The following COL11A2 variants were observed in gnomAD, a reference collection of about 807,000 sequenced individuals.
The protein encoded by COL11A2 is collagen alpha-2(XI) chain.
COL11A2 carries 116 observed loss-of-function variants against 273.4 expected under a neutral mutation model. That is an observed-to-expected ratio of 0.42 (90% CI 0.36 to 0.49). COL11A2 has a LOEUF of 0.49. Ranked by LOEUF, COL11A2 falls within the 20% of genes least tolerant of loss-of-function variation. The probability of loss-of-function intolerance (pLI) is 0.00; values close to 1 mark genes in which losing one functional copy is unlikely to be tolerated. For synonymous variants in COL11A2, 782 were observed against 864.2 expected (o/e 0.90, Z 1.67); for missense variants, 1,866 against 2,309.0 (o/e 0.81, Z 3.93).
rs887582967 is a variant in COL11A2, at chr6:33,179,908, G to C, written c.1360-103C>G. 7 of 1,088,898 alleles carry C rather than the reference G, an allele frequency of 6.4e-6. No individual in the cohort carries two copies. The highest frequency in any genetic ancestry group is 4.6e-5 in the African/African-American group (3 of 64,850). 67.5% of individuals were successfully genotyped at this position (1,088,898 alleles called of 1,614,324 possible). ...GTTTCTGCCCCTTGCCCCAGGTTCTGCCCATCCAGCATTTCCCATGGCTTC... is the reference window on the plus strand; with the variant it reads ...GTTTCTGCCCCTTGCCCCAGGTTCTCCCCATCCAGCATTTCCCATGGCTTC... On this transcript the variant is annotated intron_variant, in intron 12 of 65. Coordinates refer to ENST00000341947, the MANE Select transcript of COL11A2 (RefSeq NM_080680.3). This position sits in a 1 kb window ranked among gnomAD's most constrained non-coding sequence, Gnocchi z 6.4.
In COL11A2 at chr6:33,169,627, A is replaced by G. The variant is rs1220613204; in HGVS notation, c.3691-137T>C. 2.8e-6 allele frequency: 3 copies of G among 1,058,916 alleles called. No individual in the cohort carries two copies. The highest frequency in any genetic ancestry group is 3.1e-5 in the African/African-American group (2 of 63,786). 65.6% of individuals were successfully genotyped at this position (1,058,916 alleles called of 1,614,324 possible). Reference sequence around the variant, plus strand: ...GACATACACAGAAAGTCAAGCCTACAAGGGGAGTTCCCTAGTCCCCTTCCC... The same window carrying G: ...GACATACACAGAAAGTCAAGCCTACGAGGGGAGTTCCCTAGTCCCCTTCCC... On this transcript the variant is annotated intron_variant, in intron 50 of 65. Coordinates refer to ENST00000341947, the MANE Select transcript of COL11A2 (RefSeq NM_080680.3). This position sits in a 1 kb window ranked among gnomAD's most constrained non-coding sequence, Gnocchi z 5.5.
chr6:33,180,110 A>G (rs1771522517), intron 12 of COL11A2, 148 bp downstream of exon 12: 6 of 907,106 alleles, frequency 6.6e-6, no homozygotes, highest in Admixed American at 1.9e-5. Flanking sequence ...CATCTCCCCA[A>G]CCCCAAAGAC....
chr6:33,179,503 GA>G lies in COL11A2; in HGVS notation c.1447-17del. 1 of 1,554,692 alleles carries G rather than the reference GA, an allele frequency of 6.4e-7. No homozygotes were observed. Among genetic ancestry groups the G allele is most frequent in the Non-Finnish European group, 8.7e-7 (1 of 1,148,158 alleles). ...GGAGCGCCAGCTAGGGGAGCAGGGG[GA>G]CAGCAGAGCTGAGGGACAGGCAGTG... is the stretch of plus-strand genomic sequence containing the variant. On this transcript the variant is annotated splice_polypyrimidine_tract_variant and intron_variant, in intron 13 of 65. Transcript: ENST00000341947. The surrounding 1 kb of genome is among the most constrained non-coding windows in gnomAD (Gnocchi z 6.4).
chr6:33,170,666 C>T lies in COL11A2; in HGVS notation c.3475-56G>A. The T allele has an allele frequency of 1.2e-5, 19 of 1,607,538 alleles. No homozygotes were observed. The highest frequency in any genetic ancestry group is 1.6e-5 in the Non-Finnish European group (19 of 1,175,196). On this transcript the variant is annotated intron_variant, in intron 46 of 65. Coordinates refer to ENST00000341947, the MANE Select transcript of COL11A2 (RefSeq NM_080680.3). The surrounding 1 kb of genome is among the most constrained non-coding windows in gnomAD (Gnocchi z 4.3). ...TGACGACCCCACCCAAAGCACAGCC[C>T]TAGGCAGATAGGCCCCACAGTCCCC...
intron 8 of COL11A2, among the ~76,000 whole-genome samples, chr6:33,183,017 G>A (rs1771921479): frequency 6.6e-6 from 1 of 152,120 alleles, no homozygotes. Context: ...GCAGCATAAA[G>A]GAAAGGCAGT....
At chr6:33,171,656 C>A in intron 42 of COL11A2, 57 bp downstream of exon 42, 1 of 1,596,956 alleles carries the variant, frequency 6.3e-7, no homozygotes, top group Non-Finnish European at 8.6e-7. Context: ...CATAGCCCAT[C>A]AACCCTAGGC....
At chr6:33,185,433 C>G (rs571577849) in intron 6 of COL11A2, among the ~76,000 whole-genome samples, 1 of 152,098 alleles carries the variant, frequency 6.6e-6, no homozygotes, top group Non-Finnish European at 1.5e-5. Flanking sequence ...GAGGGGGACG[C>G]CTGCCAGGTC....
rs1768730588 is a variant in COL11A2 at position 33,164,136 on chromosome 6, G to T, written c.5070+131C>A. On this transcript the variant is annotated intron_variant, in intron 65 of 65. Coordinates refer to ENST00000341947, the MANE Select transcript of COL11A2 (RefSeq NM_080680.3). This position sits in a 1 kb window ranked among gnomAD's most constrained non-coding sequence, Gnocchi z 4.7. Reference sequence around the variant, plus strand: ...CTCACCGGCTTTTGAGCTCCCTCAGGCATCCCTGACAATCCAGCAGGACGG... The same window carrying T: ...CTCACCGGCTTTTGAGCTCCCTCAGTCATCCCTGACAATCCAGCAGGACGG... 3 of 1,132,354 alleles carry T rather than the reference G, an allele frequency of 2.6e-6. No individual in the cohort carries two copies. Among genetic ancestry groups the T allele is most frequent in the Non-Finnish European group, 3.7e-6 (3 of 801,446 alleles). The allele number at this position is 1,132,354 out of a possible 1,614,324, so 70.1% of individuals were successfully genotyped here.
Position 33,186,768 on chromosome 6 carries a change from T to G in COL11A2, c.657A>C (p.Glu219Asp). The change falls in exon 5 of 66, where the codon GAA becomes GAC. Residue 219 changes from glutamate to aspartate, a missense_variant. Coordinates refer to ENST00000341947, the MANE Select transcript of COL11A2 (RefSeq NM_080680.3). The stretch of plus-strand genomic sequence containing the variant: ...ATTCCAGCTCCTTCTGTTCACATGA[T>G]TCATAGGCTGCCTGGACCCCTGGGA... Reference protein sequence around the residue: ...AIVPGVQAAYESCEQKELECE... With the variant: ...AIVPGVQAAYDSCEQKELECE... The G allele has an allele frequency of 6.2e-7, 1 of 1,614,118 alleles. No homozygotes were observed. The highest frequency in any genetic ancestry group is 1.1e-5 in the South Asian group (1 of 91,076).
Position 33,163,924 on chromosome 6 carries a change from G to A in COL11A2, c.5071-106C>T, listed in dbSNP as rs1393279252. On this transcript the variant is annotated intron_variant, in intron 65 of 65. Transcript: ENST00000341947. The surrounding 1 kb of genome is among the most constrained non-coding windows in gnomAD (Gnocchi z 4.1). ...TCCTCTGAGCACCTTGGCCCCATCA[G>A]GGTGACTCAGGATGTACAGACTGGC... 4 of 1,528,240 alleles carry A rather than the reference G, an allele frequency of 2.6e-6. No individual in the cohort carries two copies. In the Admixed American group the frequency reaches 5.1e-5, roughly 20 times the overall value. The allele number at this position is 1,528,240 out of a possible 1,614,324, so 94.7% of individuals were successfully genotyped here. A position where few individuals can be genotyped will look rare whatever the true frequency, so the allele number is the denominator to read the frequency against.
In COL11A2 at chr6:33,192,296, A is replaced by C; in HGVS notation, c.-56T>G. On this transcript the variant is annotated 5_prime_UTR_variant, in exon 1 of 66. Coordinates refer to ENST00000341947, the MANE Select transcript of COL11A2 (RefSeq NM_080680.3). ...GACCCAGGTCGGCCTGAGACGCTGGATGCCCTGAGGCTGACAGAAGACAGG... is the reference window on the plus strand; with the variant it reads ...GACCCAGGTCGGCCTGAGACGCTGGCTGCCCTGAGGCTGACAGAAGACAGG... 1 of 1,496,236 alleles carries C rather than the reference A, an allele frequency of 6.7e-7. No homozygotes were observed. Among genetic ancestry groups the C allele is most frequent in the Non-Finnish European group, 9.1e-7 (1 of 1,100,370 alleles). 92.7% of individuals were successfully genotyped at this position (1,496,236 alleles called of 1,614,324 possible). A position where few individuals can be genotyped will look rare whatever the true frequency, so the allele number is the denominator to read the frequency against.
intron 54 of COL11A2, 152 bp from the exon 55 acceptor site, chr6:33,168,004 A>G: frequency 3.7e-6 from 3 of 812,212 alleles, no homozygotes; most frequent in South Asian, 1.5e-5. Context: ...AGATGTGCAG[A>G]ACAGATACAG....
chr6:33,179,122 G>A lies in COL11A2; in HGVS notation c.1562C>T (p.Pro521Leu), dbSNP rs760858147. ...GESGDLGPQG[P>L]RGPQGLTGPP... Reference sequence around the variant, plus strand: ...GCCTGTGAGGCCCTGAGGTCCTCTGGGGCCCTGGTGAGAGGAGAGATGGGG... The same window carrying A: ...GCCTGTGAGGCCCTGAGGTCCTCTGAGGCCCTGGTGAGAGGAGAGATGGGG... Residue 521 changes from proline (P) to leucine (L), a missense_variant, in exon 16 of 66, where the codon CCC (proline) becomes CTC (leucine). Transcript: ENST00000341947. This position sits in a 1 kb window ranked among gnomAD's most constrained non-coding sequence, Gnocchi z 6.4. 14 of 1,613,682 alleles carry A rather than the reference G, an allele frequency of 8.7e-6. No individual in the cohort carries two copies. Among genetic ancestry groups the A allele is most frequent in the Non-Finnish European group, 1.2e-5 (14 of 1,179,850 alleles).
intron 8 of COL11A2, among the ~76,000 whole-genome samples, chr6:33,183,837 T>C (rs1772016823): frequency 6.6e-6 from 1 of 151,146 alleles, no homozygotes; most frequent in Admixed American, 6.6e-5. Context: ...AAAAGCTTTA[T>C]GAAATCCAGC....
chr6:33,183,675 A>G (rs1771999411), intron 8 of COL11A2, among the ~76,000 whole-genome samples: 1 of 152,272 alleles, frequency 6.6e-6, no homozygotes, highest in Admixed American at 6.5e-5. Context: ...TGGAGAAGGC[A>G]GGAAGGGACA....
Position 33,163,392 on chromosome 6 carries a change from T to G in COL11A2, c.*286A>C. 39 of 520,750 alleles carry G rather than the reference T, an allele frequency of 7.5e-5. No homozygotes were observed. The highest frequency in any genetic ancestry group is 1.2e-4 in the East Asian group (4 of 32,360). The allele number at this position is 520,750 out of a possible 1,614,324, so 32.3% of individuals were successfully genotyped here. A position where few individuals can be genotyped will look rare whatever the true frequency, so the allele number is the denominator to read the frequency against. The stretch of plus-strand genomic sequence containing the variant: ...GCCATGTCCTTTCTCTTCTCTTCCA[T>G]TTGTTTGGGGTGATTGGGAGGTGAG... On this transcript the variant is annotated 3_prime_UTR_variant, in exon 66 of 66. Transcript: ENST00000341947. The surrounding 1 kb of genome is among the most constrained non-coding windows in gnomAD (Gnocchi z 4.1).
intron 54 of COL11A2, 82 bp downstream of exon 54, chr6:33,168,437 C>G (rs1769510372): frequency 6.8e-7 from 1 of 1,474,832 alleles, no homozygotes; most frequent in Middle Eastern, 1.9e-4. Context: ...ACCTCCCCAC[C>G]CATCCCACCT....
Position 33,163,775 on chromosome 6 carries a change from A to G in COL11A2, c.5114T>C (p.Leu1705Pro), listed in dbSNP as rs1768673101. Residue 1705 changes from leucine to proline, a missense_variant, in exon 66 of 66, where the codon CTG becomes CCG. By Grantham distance (98) the Leu-to-Pro change is moderately conservative. Coordinates refer to ENST00000341947, the MANE Select transcript of COL11A2 (RefSeq NM_080680.3). The surrounding 1 kb of genome is among the most constrained non-coding windows in gnomAD (Gnocchi z 4.1). ...GGCATCCAGCACTGGCAGCTGCTCC[A>G]GCACAGGCGTTCGCACCTCCAGCAC... ...RTVLEVRTPV[L>P]EQLPVLDASF... is the part of the protein sequence containing the mutation. The G allele has an allele frequency of 6.2e-7, 1 of 1,613,084 alleles. No individual in the cohort carries two copies. The highest frequency in any genetic ancestry group is 8.5e-7 in the Non-Finnish European group (1 of 1,180,018).
rs935115409 is a variant in COL11A2 at position 33,185,065 on chromosome 6, G to A, written c.877-11C>T. The A allele has an allele frequency of 4.5e-6, 7 of 1,546,196 alleles. No individual in the cohort carries two copies. The African/African-American group carries it at 9.6e-5, about 21-fold the overall frequency. On this transcript the variant is annotated splice_polypyrimidine_tract_variant and intron_variant, in intron 6 of 65. Transcript: ENST00000341947. ...ACCTGGGGTGGGGTCCTGACCCCAAGGAGAGAAGGAGAAGAGTAGCACGGG... is the reference window on the plus strand; with the variant it reads ...ACCTGGGGTGGGGTCCTGACCCCAAAGAGAGAAGGAGAAGAGTAGCACGGG...
Sources: allele counts gnomAD v4.1 joint callset (sites outside exome capture counted in the v4.1 genomes callset), GRCh38; gene constraint gnomAD v4.1.1; non-coding constraint Gnocchi (gnomAD v3.1); transcripts MANE v1.5; gene names NCBI Gene and HGNC (gene_info 2026-07-23, HGNC 2026-07-21).